The following SPNS1 variants were observed in gnomAD, a reference collection of about 807,000 sequenced individuals.
The protein encoded by SPNS1 is protein spinster homolog 1.
SPNS1 carries 22 observed loss-of-function variants against 50.3 expected under a neutral mutation model. The observed-to-expected ratio is 0.44, with a 90% CI of 0.31 to 0.62. SPNS1 has a LOEUF of 0.62. SPNS1 is among the 20% of genes least tolerant of loss of function. The pLI is 0.07. For synonymous variants in SPNS1, 295 were observed against 317.4 expected, an observed-to-expected ratio of 0.93 and a Z score of 0.75; for missense variants, 576 against 728.6, an observed-to-expected ratio of 0.79 and a Z score of 2.41.
chr16:28,975,394 T>C lies in SPNS1; in HGVS notation c.241+2T>C, dbSNP rs765377829. 1 of 1,612,650 alleles carries C rather than the reference T, an allele frequency of 6.2e-7. No homozygotes were observed. Among genetic ancestry groups the C allele is most frequent in the African/African-American group, 1.3e-5 (1 of 74,918 alleles). Reference sequence around the variant, plus strand: ...ACATGGACCGCTTCACCGTGGCTGGTAGGGACTCACTTCTGGGAGGAAGAT... The same window carrying C: ...ACATGGACCGCTTCACCGTGGCTGGCAGGGACTCACTTCTGGGAGGAAGAT... On this transcript the variant is annotated splice_donor_variant, in intron 1 of 11. Coordinates refer to ENST00000311008, the MANE Select transcript of SPNS1 (RefSeq NM_032038.3). LOFTEE classifies it high-confidence loss of function.
chr16:28,983,100 G>A lies in SPNS1; in HGVS notation c.1222-92G>A, dbSNP rs377449030. ...CAACCCCAGGCACACCTCTGACCCC[G>A]GCCTAGGCGGATCCTTGGTGGTCTC... On this transcript the variant is annotated intron_variant, in intron 9 of 11. Transcript: ENST00000311008. This position sits in a 1 kb window ranked among gnomAD's most constrained non-coding sequence, Gnocchi z 5.4. The A allele has an allele frequency of 7.2e-6, 9 of 1,257,730 alleles. No homozygotes were observed. The highest frequency in any genetic ancestry group is 4.4e-5 in the African/African-American group (3 of 67,726). The allele number at this position is 1,257,730 out of a possible 1,614,324, so 77.9% of individuals were successfully genotyped here.
rs1965556769 is a variant in SPNS1, at chr16:28,981,654, C to T, written c.809+39C>T. 1.2e-6 allele frequency: 2 copies of T among 1,605,594 alleles called. No homozygotes were observed. Among genetic ancestry groups the T allele is most frequent in the Admixed American group, 1.7e-5 (1 of 59,402 alleles). ...CACCCTAGACCACCATCTGAGGCCC[C>T]CTGGCGTCTGGTTTGAGGTTTAAGT... On this transcript the variant is annotated intron_variant, in intron 6 of 11. Transcript: ENST00000311008. This position sits in a 1 kb window ranked among gnomAD's most constrained non-coding sequence, Gnocchi z 4.2.
intron 2 of SPNS1, 103 bp downstream of exon 2, chr16:28,975,660 G>A (rs1323595694): frequency 7.4e-7 from 1 of 1,354,572 alleles, no homozygotes; most frequent in Non-Finnish European, 1.0e-6. Flanking sequence ...TGGAGGTTTT[G>A]TGGCCAGTTA....
Position 28,982,544 on chromosome 16 carries a change from AT to A in SPNS1, c.1155del (p.Tyr385Ter), listed in dbSNP as rs753639050. 1.2e-6 allele frequency: 2 copies of A among 1,603,482 alleles called. No homozygotes were observed. On this transcript the variant is annotated frameshift_variant and splice_region_variant, in exon 8 of 12. Coordinates refer to ENST00000311008, the MANE Select transcript of SPNS1 (RefSeq NM_032038.3). LOFTEE classifies it high-confidence loss of function. ...ACARGSIVATYIFIFIGETLL... is the reference protein window; with the variant it reads ...ACARGSIVATXIFIFIGETLL... ...GCCCGTGGTAGCATCGTGGCCACTTATGTGAGTAGCCAGCAGGTGTCAAGGG... is the reference window on the plus strand; with the variant it reads ...GCCCGTGGTAGCATCGTGGCCACTTAGTGAGTAGCCAGCAGGTGTCAAGGG...
chr16:28,984,431 A>C lies in SPNS1; in HGVS notation c.*132A>C, dbSNP rs1184303800. On this transcript the variant is annotated 3_prime_UTR_variant, in exon 12 of 12. Transcript: ENST00000311008. Reference sequence around the variant, plus strand: ...CTGGGCCGTGTGCCAGCTCCCAGACACTACCTGGGTAGCTCAGGGGAGGAG... The same window carrying C: ...CTGGGCCGTGTGCCAGCTCCCAGACCCTACCTGGGTAGCTCAGGGGAGGAG... The C allele has an allele frequency of 5.4e-6, 5 of 919,182 alleles. No individual in the cohort carries two copies. Among genetic ancestry groups the C allele is most frequent in the Non-Finnish European group, 8.6e-6 (5 of 582,288 alleles). 56.9% of individuals were successfully genotyped at this position (919,182 alleles called of 1,614,324 possible).
chr16:28,979,285 A>C lies in SPNS1; in HGVS notation c.575A>C (p.Tyr192Ser). ...CGGAGCCGGATGCTCAGCATCTTCTACTTTGCCATTCCGGTGGGCAGGTGA... is the reference window on the plus strand; with the variant it reads ...CGGAGCCGGATGCTCAGCATCTTCTCCTTTGCCATTCCGGTGGGCAGGTGA... Reference protein sequence around the residue: ...DQRSRMLSIFYFAIPVGSGLG... With the variant: ...DQRSRMLSIFSFAIPVGSGLG... The change falls in exon 4 of 12, where the codon TAC becomes TCC. Residue 192 changes from tyrosine (Y) to serine (S), a missense_variant. By Grantham distance (144) the Tyr-to-Ser change is moderately radical. This residue lies in a region of SPNS1 where 428 missense variants were observed against 520.1 expected (regional missense o/e 0.82). Transcript: ENST00000311008. 1 of 1,614,052 alleles carries C rather than the reference A, an allele frequency of 6.2e-7. No individual in the cohort carries two copies. Among genetic ancestry groups the C allele is most frequent in the Non-Finnish European group, 8.5e-7 (1 of 1,180,020 alleles).
At position 28,981,074 on chromosome 16, in the gene SPNS1, C is replaced by G. The variant is rs1039180463; in HGVS notation, c.664-396C>G. Among the ~76,000 whole-genome samples the G allele has an allele frequency of 1.3e-5, 2 of 152,180 alleles. No homozygotes were observed. The highest frequency in any genetic ancestry group is 2.9e-5 in the Non-Finnish European group (2 of 68,046). On this transcript the variant is annotated intron_variant, in intron 5 of 11. Coordinates refer to ENST00000311008, the MANE Select transcript of SPNS1 (RefSeq NM_032038.3). The surrounding 1 kb of genome is among the most constrained non-coding windows in gnomAD (Gnocchi z 4.2). ...CCTTTCCATTTAGCAACATTGGCACCTTGGACCCTGGGGCCGTGTTTCCAG... is the reference window on the plus strand; with the variant it reads ...CCTTTCCATTTAGCAACATTGGCACGTTGGACCCTGGGGCCGTGTTTCCAG...
chr16:28,980,841 G>A (rs1771299318), intron 5 of SPNS1, among the ~76,000 whole-genome samples: 1 of 151,564 alleles, frequency 6.6e-6, no homozygotes, highest in East Asian at 1.9e-4. Context: ...GTGACAGAGT[G>A]AGACTCTGTC....
At chr16:28,979,097 G>A (rs1192548552) in intron 3 of SPNS1, 58 bp from the exon 4 acceptor site, 3 of 1,577,240 alleles carry the variant, frequency 1.9e-6, no homozygotes, top group East Asian at 2.2e-5. Flanking sequence ...GGCTGGTGAG[G>A]TAGCCCGGAG....
chr16:28,981,742 T>A lies in SPNS1; in HGVS notation c.809+127T>A. On this transcript the variant is annotated intron_variant, in intron 6 of 11. Transcript: ENST00000311008. This position sits in a 1 kb window ranked among gnomAD's most constrained non-coding sequence, Gnocchi z 4.2. Reference sequence around the variant, plus strand: ...TAATTCGGTCGATACTGTCCCCTTGTGGCAGCTGCTTGAATTACAGGCCCA... The same window carrying A: ...TAATTCGGTCGATACTGTCCCCTTGAGGCAGCTGCTTGAATTACAGGCCCA... 1 of 1,491,270 alleles carries A rather than the reference T, an allele frequency of 6.7e-7. No individual in the cohort carries two copies. The highest frequency in any genetic ancestry group is 9.1e-7 in the Non-Finnish European group (1 of 1,097,856). 92.4% of individuals were successfully genotyped at this position (1,491,270 alleles called of 1,614,324 possible).
Position 28,982,528 on chromosome 16 carries a change from A to G in SPNS1, c.1138A>G (p.Ser380Gly). Residue 380 changes from serine to glycine, a missense_variant, in exon 8 of 12, where the codon AGC (serine) becomes GGC (glycine). Transcript: ENST00000311008. Reference sequence around the variant, plus strand: ...CCTGTCCCTTGCCTGCGCCCGTGGTAGCATCGTGGCCACTTATGTGAGTAG... The same window carrying G: ...CCTGTCCCTTGCCTGCGCCCGTGGTGGCATCGTGGCCACTTATGTGAGTAG... ...LFLSLACARG[S>G]IVATYIFIFI... 2 of 1,609,932 alleles carry G rather than the reference A, an allele frequency of 1.2e-6. No homozygotes were observed. The highest frequency in any genetic ancestry group is 1.7e-6 in the Non-Finnish European group (2 of 1,177,844).
rs1257479341 is a variant in SPNS1, at chr16:28,982,997, A to G, written c.1221+75A>G. The stretch of plus-strand genomic sequence containing the variant: ...AGTTGGGGTCAGGAGTGTTGCCTCT[A>G]CCCCTCAAAGCCCAGCCTCAACCTA... On this transcript the variant is annotated intron_variant, in intron 9 of 11. Transcript: ENST00000311008. 12 of 1,524,552 alleles carry G rather than the reference A, an allele frequency of 7.9e-6. No homozygotes were observed. The East Asian group carries it at 2.7e-4, about 34-fold the overall frequency. 94.4% of individuals were successfully genotyped at this position (1,524,552 alleles called of 1,614,324 possible).
Position 28,975,217 on chromosome 16 carries a change from T to G in SPNS1, c.66T>G (p.Pro22=), listed in dbSNP as rs1459682262. 1 of 1,513,880 alleles carries G rather than the reference T, an allele frequency of 6.6e-7. No individual in the cohort carries two copies. Among genetic ancestry groups the G allele is most frequent in the Admixed American group, 2.1e-5 (1 of 47,996 alleles). 93.8% of individuals were successfully genotyped at this position (1,513,880 alleles called of 1,614,324 possible). A position where few individuals can be genotyped will look rare whatever the true frequency, so the allele number is the denominator to read the frequency against. ...QADDPDDGPV[P]GTPGLPGSTG... is the part of the protein sequence containing the mutation. ...ATGACCCGGACGACGGGCCAGTGCC[T>G]GGCACCCCGGGGTTGCCAGGGTCCA... The change falls in exon 1 of 12, where the codon CCT becomes CCG. Residue 22 remains proline (P), a synonymous_variant. Transcript: ENST00000311008.
chr16:28,977,857 G>A, intron 2 of SPNS1, 51 bp from the exon 3 acceptor site: 1 of 1,597,466 alleles, frequency 6.3e-7, no homozygotes, highest in South Asian at 1.1e-5. Flanking sequence ...TGGGGTGGGA[G>A]TGGGAGGTAG....
rs1367230929 is a variant in SPNS1, at chr16:28,975,011, T to G, written c.-141T>G. ...CCCGGGTCCCTTCTCAGTGGTGCTC[T>G]GTGCTTCAGGGCAAGCTCCCCGTCT... On this transcript the variant is annotated 5_prime_UTR_variant, in exon 1 of 12. Coordinates refer to ENST00000311008, the MANE Select transcript of SPNS1 (RefSeq NM_032038.3). 1 of 1,439,382 alleles carries G rather than the reference T, an allele frequency of 6.9e-7. No homozygotes were observed. The highest frequency in any genetic ancestry group is 1.4e-5 in the African/African-American group (1 of 69,674). The allele number at this position is 1,439,382 out of a possible 1,614,324, so 89.2% of individuals were successfully genotyped here.
At position 28,981,832 on chromosome 16, in the gene SPNS1, A is replaced by T; in HGVS notation, c.810-69A>T. Reference sequence around the variant, plus strand: ...CCTTACTAAAATAAGCCAGGAAGGGAGAAGAGAGGTCCCCTCCTGCCTCGA... The same window carrying T: ...CCTTACTAAAATAAGCCAGGAAGGGTGAAGAGAGGTCCCCTCCTGCCTCGA... On this transcript the variant is annotated intron_variant, in intron 6 of 11. Coordinates refer to ENST00000311008, the MANE Select transcript of SPNS1 (RefSeq NM_032038.3). The surrounding 1 kb of genome is among the most constrained non-coding windows in gnomAD (Gnocchi z 4.2). 1 of 1,589,046 alleles carries T rather than the reference A, an allele frequency of 6.3e-7. No individual in the cohort carries two copies. Among genetic ancestry groups the T allele is most frequent in the Non-Finnish European group, 8.6e-7 (1 of 1,161,310 alleles).
In SPNS1 at chr16:28,983,732, C is replaced by G; in HGVS notation, c.1321-54C>G. The G allele has an allele frequency of 6.6e-7, 1 of 1,515,310 alleles. No individual in the cohort carries two copies. The highest frequency in any genetic ancestry group is 8.8e-7 in the Non-Finnish European group (1 of 1,134,090). The allele number at this position is 1,515,310 out of a possible 1,614,324, so 93.9% of individuals were successfully genotyped here. ...CCTGGAGCTCAGGGGCGTGCCCTCC[C>G]TGGTTCATCCATGAGGCTGACTCCC... On this transcript the variant is annotated intron_variant, in intron 10 of 11. Coordinates refer to ENST00000311008, the MANE Select transcript of SPNS1 (RefSeq NM_032038.3). The surrounding 1 kb of genome is among the most constrained non-coding windows in gnomAD (Gnocchi z 5.4).
intron 8 of SPNS1, 96 bp from the exon 9 acceptor site, chr16:28,982,761 G>A: frequency 1.4e-6 from 2 of 1,419,746 alleles, no homozygotes; most frequent in East Asian, 2.3e-5. Flanking sequence ...GGGGTGTGAT[G>A]AGGATTAAAT....
Position 28,982,483 on chromosome 16 carries a change from G to T in SPNS1, c.1093G>T (p.Gly365Cys), listed in dbSNP as rs780864174. 14 of 1,613,776 alleles carry T rather than the reference G, an allele frequency of 8.7e-6. No homozygotes were observed. In the South Asian group the frequency reaches 1.5e-4, roughly 18 times the overall value. The change falls in exon 8 of 12, where the codon GGC becomes TGC. Residue 365 changes from glycine (G) to cysteine (C), a missense_variant. By Grantham distance (159) the Gly-to-Cys change is radical (BLOSUM62 -3). Coordinates refer to ENST00000311008, the MANE Select transcript of SPNS1 (RefSeq NM_032038.3). ...DPLVCATGLL[G>C]SAPFLFLSLA... ...CCTGGTCTGTGCCACTGGCCTCCTG[G>T]GCTCTGCACCCTTCCTCTTCCTGTC...
Sources: allele counts gnomAD v4.1 joint callset (sites outside exome capture counted in the v4.1 genomes callset), GRCh38; gene constraint gnomAD v4.1.1; regional missense constraint gnomAD v4.1.1; non-coding constraint Gnocchi (gnomAD v3.1); transcripts MANE v1.5; gene names NCBI Gene and HGNC (gene_info 2026-07-23, HGNC 2026-07-21).